ZNF385D: variants seen among roughly 807,000 people sequenced by gnomAD.
ZNF385D encodes zinc finger protein 659.
In ZNF385D, 15 loss-of-function variants were observed where a neutral mutation model predicts 35.8. The observed-to-expected ratio is 0.42, with a 90% confidence interval of 0.28 to 0.64. ZNF385D has a LOEUF of 0.64. ZNF385D is among the 30% of genes least tolerant of loss of function. The probability of loss-of-function intolerance (pLI) is 0.23; values close to 1 mark genes in which losing one functional copy is unlikely to be tolerated. For missense variants in ZNF385D, 474 were observed against 494.6 expected (o/e 0.96, Z 0.39); for synonymous variants, 212 against 186.8 (o/e 1.13, Z -1.10).
chr3:21,975,730 T>C (rs1435161310), intron 3 of ZNF385D, among the ~76,000 whole-genome samples: 777 of 15,290 alleles, frequency 0.051, 26 homozygotes, highest in African/African-American at 0.31. Flanking sequence ...TATATATATA[T>C]ATATATATAT....
chr3:21,700,389 A>G (rs1322917925), intron 1 of ZNF385D, among the ~76,000 whole-genome samples: 3 of 152,370 alleles, frequency 2.0e-5, no homozygotes, highest in South Asian at 2.1e-4. Context: ...CTAGTAAAGG[A>G]GTAAACTTTA....
intron 3 of ZNF385D, among the ~76,000 whole-genome samples, chr3:22,049,084 G>A (rs750842078): frequency 5.3e-5 from 8 of 151,864 alleles, no homozygotes; most frequent in Non-Finnish European, 7.4e-5. Flanking sequence ...ATAATTTCAG[G>A]TCAGGAGTTT....
At chr3:21,887,062 T>C (rs1476158374) in intron 3 of ZNF385D, among the ~76,000 whole-genome samples, 2 of 152,160 alleles carry the variant, frequency 1.3e-5, no homozygotes, top group African/African-American at 4.8e-5. Flanking sequence ...TATGGATGTG[T>C]CAAGTTGCCC....
intron 2 of ZNF385D, among the ~76,000 whole-genome samples, chr3:22,171,424 C>G (rs772778050): frequency 6.6e-6 from 1 of 152,058 alleles, no homozygotes; most frequent in Admixed American, 6.6e-5. Context: ...CCCTGCTCAC[C>G]TGAGAAAATA....
chr3:22,079,864 T>C (rs1169152539), intron 3 of ZNF385D, among the ~76,000 whole-genome samples: 1 of 151,936 alleles, frequency 6.6e-6, no homozygotes, highest in Non-Finnish European at 1.5e-5. Context: ...TTGTGTATGT[T>C]TTAATTTAGG....
At chr3:22,187,370 A>G (rs1445904752) in intron 2 of ZNF385D, among the ~76,000 whole-genome samples, 3 of 152,150 alleles carry the variant, frequency 2.0e-5, no homozygotes, top group Admixed American at 1.3e-4. Flanking sequence ...CTAATGGAGC[A>G]CTTTGGGTGG....
intron 3 of ZNF385D, among the ~76,000 whole-genome samples, chr3:22,167,648 A>G (rs1176458959): frequency 6.6e-6 from 1 of 152,198 alleles, no homozygotes; most frequent in Non-Finnish European, 1.5e-5. Context: ...GCCAGCCCCA[A>G]AGCCGTGGGC....
intron 2 of ZNF385D, among the ~76,000 whole-genome samples, chr3:22,334,120 A>G (rs1478664274): frequency 6.6e-6 from 1 of 152,188 alleles, no homozygotes; most frequent in African/African-American, 2.4e-5. Context: ...CCATATGACA[A>G]TCTTTATTTA....
intron 4 of ZNF385D, among the ~76,000 whole-genome samples, chr3:21,502,233 G>C (rs1466331442): frequency 6.6e-6 from 1 of 152,176 alleles, no homozygotes; most frequent in African/African-American, 2.4e-5. Context: ...AGTGGAGACT[G>C]TAAGTCAGCA....
At chr3:22,192,256 AGCTGAGATGTCT>A (rs1161438480) in intron 2 of ZNF385D, among the ~76,000 whole-genome samples, 2 of 152,156 alleles carry the variant, frequency 1.3e-5, no homozygotes, top group Non-Finnish European at 2.9e-5. Context: ...CTCATTTGCA[AGCTGAGATGTCT>A]GCAATGAGTT....
At chr3:22,254,399 G>GA (rs559770046) in intron 2 of ZNF385D, among the ~76,000 whole-genome samples, 137 of 151,854 alleles carry the variant, frequency 9.0e-4, no homozygotes, top group African/African-American at 3.0e-3. Context: ...GAATCCTGAA[G>GA]AAAAAACTGA....
At chr3:22,355,416 T>A (rs757611796) in intron 2 of ZNF385D, among the ~76,000 whole-genome samples, 1 of 152,000 alleles carries the variant, frequency 6.6e-6, no homozygotes, top group Admixed American at 6.6e-5. Context: ...TGTTATGTAT[T>A]TCAGTAAAAC....
At chr3:22,357,771 C>T (rs1696224773) in intron 2 of ZNF385D, among the ~76,000 whole-genome samples, 1 of 151,774 alleles carries the variant, frequency 6.6e-6, no homozygotes, top group African/African-American at 2.4e-5. Flanking sequence ...CACACACCAA[C>T]TTTTAACATC....
intron 3 of ZNF385D, among the ~76,000 whole-genome samples, chr3:22,042,113 C>G (rs1022495736): frequency 6.6e-6 from 1 of 152,082 alleles, no homozygotes; most frequent in African/African-American, 2.4e-5. Flanking sequence ...AAACATGGGA[C>G]TAGAATTGGC....
At chr3:21,863,513 T>C (rs1271981718) in intron 3 of ZNF385D, among the ~76,000 whole-genome samples, 1 of 152,142 alleles carries the variant, frequency 6.6e-6, no homozygotes, top group African/African-American at 2.4e-5. Flanking sequence ...GTAAATTTAA[T>C]ACACACAGAA....
chr3:21,564,863 G>C (rs1326036151), intron 2 of ZNF385D, among the ~76,000 whole-genome samples, 179 bp from the exon 3 acceptor site: 1 of 151,978 alleles, frequency 6.6e-6, no homozygotes, highest in South Asian at 2.1e-4. Context: ...ATAACATTAA[G>C]CCCAAAGCTC....
rs1700577125 is a variant in ZNF385D at position 21,417,371 on chromosome 3, T to C, written c.*3843A>G. The C allele has an allele frequency of 6.6e-6, 1 of 152,118 alleles. No individual in the cohort carries two copies. The highest frequency in any genetic ancestry group is 2.4e-5 in the African/African-American group (1 of 41,432). The allele number at this position is 152,118 out of a possible 1,614,324, so 9.4% of individuals were successfully genotyped here. On this transcript the variant is annotated 3_prime_UTR_variant, in exon 8 of 8. Coordinates refer to ENST00000281523, the MANE Select transcript of ZNF385D (RefSeq NM_024697.3). ...AGTCTACAATAGACTCTGGCTACTC[T>C]AAGGCTCCTCATTGCTTTTCCCACC...
rs374952019 is a variant in ZNF385D at position 21,998,847 on chromosome 3, T to C, written c.325+169970A>G. On this transcript the variant is annotated intron_variant, in intron 3 of 5. Coordinates refer to the ZNF385D transcript ENST00000494108. ...GTTTGTTGTAACATACGCACACACA[T>C]AGACACAGACACACACATGCTCACA... Among the ~76,000 whole-genome samples, 14 of 152,180 alleles carry C rather than the reference T, an allele frequency of 9.2e-5. 1 individual carries two copies. The South Asian group carries it at 1.0e-3, about 11-fold the overall frequency.
At chr3:21,938,176 T>TAG (rs1701350906) in intron 3 of ZNF385D, among the ~76,000 whole-genome samples, 1 of 152,312 alleles carries the variant, frequency 6.6e-6, no homozygotes, top group South Asian at 2.1e-4. Flanking sequence ...ATGTACCCAT[T>TAG]TTAGTCGGAT....
Sources: gnomAD v4.1 joint callset for allele counts (sites outside exome capture counted in the v4.1 genomes callset) on GRCh38, gnomAD v4.1.1 for gene constraint, MANE v1.5 for transcripts, NCBI Gene and HGNC (gene_info 2026-07-23, HGNC 2026-07-21) for gene names.